PEX7: variants seen among roughly 807,000 people sequenced by gnomAD.
The protein encoded by PEX7 is peroxisomal biogenesis factor 7.
Under a neutral mutation model 47.5 loss-of-function variants are expected in PEX7, and 34 were observed. The ratio of observed to expected loss-of-function variants is 0.72; its 90% CI spans 0.54 to 0.95. The LOEUF (loss-of-function observed/expected upper bound fraction) is 0.95. Ranked by LOEUF, PEX7 falls within the 40% of genes least tolerant of loss-of-function variation. The pLI, the probability that PEX7 is intolerant of heterozygous loss-of-function variation, is 0.00. For missense variants in PEX7, 394 were observed against 400.3 expected (o/e 0.98, Z 0.13); for synonymous variants, 141 against 148.8 (o/e 0.95, Z 0.38).
chr6:136,894,747 A>G (rs1469458839), intron 8 of PEX7, among the ~76,000 whole-genome samples: 1 of 152,172 alleles, frequency 6.6e-6, no homozygotes, highest in African/African-American at 2.4e-5. Context: ...ATGTTCCTAG[A>G]GTTCTGTAAT....
intron 3 of PEX7, among the ~76,000 whole-genome samples, chr6:136,839,178 C>T (rs370638214): frequency 4.6e-5 from 7 of 152,096 alleles, no homozygotes; most frequent in East Asian, 3.9e-4. Context: ...GAGTGAGATC[C>T]TGTCTCAAAA....
chr6:136,852,316 C>T (rs1327574416), intron 5 of PEX7, among the ~76,000 whole-genome samples: 3 of 147,660 alleles, frequency 2.0e-5, no homozygotes, highest in Admixed American at 6.9e-5. Flanking sequence ...CCAGGGCAAT[C>T]AGGCAGGAGA....
In PEX7 at chr6:136,866,561, A is replaced by G. The variant is rs2115216419; in HGVS notation, c.527-66A>G. On this transcript the variant is annotated intron_variant, in intron 5 of 9. Transcript: ENST00000318471. ...TATTTTTACTTGACTTATTATTGTG[A>G]ACACATTATGTCACTGCACATTCAA... 3.0e-6 allele frequency: 4 copies of G among 1,315,094 alleles called. No individual in the cohort carries two copies. In the East Asian group the frequency reaches 9.3e-5, roughly 31 times the overall value. 81.5% of individuals were successfully genotyped at this position (1,315,094 alleles called of 1,614,324 possible).
chr6:136,899,646 C>G (rs1775718837), intron 9 of PEX7, among the ~76,000 whole-genome samples: 1 of 152,136 alleles, frequency 6.6e-6, no homozygotes, highest in African/African-American at 2.4e-5. Flanking sequence ...TCCCAAAGTG[C>G]TGGGATTACA....
Position 136,894,218 on chromosome 6 carries a change from G to C in PEX7, c.804-3924G>C, listed in dbSNP as rs188933121. ...TCATGCCTGTAATCCCAGCACTTTG[G>C]GAGGCCAAGGTGGGCAGATCACAAG... On this transcript the variant is annotated intron_variant, in intron 8 of 9. Coordinates refer to ENST00000318471, the MANE Select transcript of PEX7 (RefSeq NM_000288.4). Among the ~76,000 whole-genome samples, 684 of 152,196 alleles carry C rather than the reference G, an allele frequency of 4.5e-3. 7 individuals are homozygous for C. The highest frequency in any genetic ancestry group is 0.016 in the African/African-American group (657 of 41,554).
At chr6:136,850,475 A>G (rs924169820) in intron 5 of PEX7, among the ~76,000 whole-genome samples, 3 of 152,164 alleles carry the variant, frequency 2.0e-5, no homozygotes, top group African/African-American at 7.2e-5. Context: ...ACAATTTGGC[A>G]TGTTTTTGCA....
rs76937213 is a variant in PEX7 at position 136,875,230 on chromosome 6, T to C, written c.803+2977T>C. Among the ~76,000 whole-genome samples the C allele has an allele frequency of 3.3e-3, 509 of 152,140 alleles. 9 individuals carry two copies. In the South Asian group the frequency reaches 0.041, roughly 12 times the overall value. ...TTGGTACTTTCTTTTTGTTGTTCTTTTTTTCAGCTTCTTGAGATAGGAATT... is the reference window on the plus strand; with the variant it reads ...TTGGTACTTTCTTTTTGTTGTTCTTCTTTTCAGCTTCTTGAGATAGGAATT... On this transcript the variant is annotated intron_variant, in intron 8 of 9. Transcript: ENST00000318471.
At chr6:136,897,656 C>T (rs1338009792) in intron 8 of PEX7, among the ~76,000 whole-genome samples, 2 of 152,056 alleles carry the variant, frequency 1.3e-5, no homozygotes, top group Non-Finnish European at 1.5e-5. Context: ...TCAAAGAATT[C>T]TAATTGCTGT....
At chr6:136,884,350 ATT>A (rs1214444776) in intron 8 of PEX7, among the ~76,000 whole-genome samples, 1 of 152,208 alleles carries the variant, frequency 6.6e-6, no homozygotes, top group Non-Finnish European at 1.5e-5. Flanking sequence ...TCAGAAAACC[ATT>A]TTAACAAGAA....
intron 9 of PEX7, among the ~76,000 whole-genome samples, chr6:136,903,490 G>A (rs1190750362): frequency 2.6e-5 from 4 of 151,638 alleles, no homozygotes; most frequent in Admixed American, 6.6e-5. Context: ...ATAATCTTTA[G>A]TGAATGAATA....
At position 136,913,529 on chromosome 6, in the gene PEX7, T is replaced by C. The variant is rs1775966190; in HGVS notation, c.*3T>C. ...CTTGTCTTACTATTCCTGCTTGAGA[T>C]ACACTACTTTGGTCAGAAACAGAGG... On this transcript the variant is annotated 3_prime_UTR_variant, in exon 10 of 10. Transcript: ENST00000318471. 1 of 1,596,536 alleles carries C rather than the reference T, an allele frequency of 6.3e-7. No individual in the cohort carries two copies. The highest frequency in any genetic ancestry group is 2.2e-5 in the East Asian group (1 of 44,774).
intron 3 of PEX7, among the ~76,000 whole-genome samples, chr6:136,835,539 G>A (rs577256741): frequency 5.9e-5 from 9 of 152,018 alleles, no homozygotes; most frequent in South Asian, 2.1e-4. Context: ...CGCCTGACTC[G>A]TCCTCCCAAA....
Position 136,822,801 on chromosome 6 carries a change from G to A in PEX7, c.130+6G>A. 1 of 1,290,926 alleles carries A rather than the reference G, an allele frequency of 7.7e-7. No individual in the cohort carries two copies. Among genetic ancestry groups the A allele is most frequent in the Non-Finnish European group, 9.8e-7 (1 of 1,025,190 alleles). 80.0% of individuals were successfully genotyped at this position (1,290,926 alleles called of 1,614,324 possible). A position where few individuals can be genotyped will look rare whatever the true frequency, so the allele number is the denominator to read the frequency against. ...GCAGCACTACGGCATCGCGGGTGAG[G>A]CGGCGCCGCGCAGCTGGGGCCGGGG... On this transcript the variant is annotated splice_donor_region_variant and intron_variant, in intron 1 of 9. Transcript: ENST00000318471.
At chr6:136,835,979 C>G (rs1774378582) in intron 3 of PEX7, among the ~76,000 whole-genome samples, 1 of 152,146 alleles carries the variant, frequency 6.6e-6, no homozygotes, top group Admixed American at 6.5e-5. Flanking sequence ...GCTACTATAT[C>G]TGTAGTCTCT....
At chr6:136,910,232 A>C (rs1180139327) in intron 9 of PEX7, among the ~76,000 whole-genome samples, 1 of 152,222 alleles carries the variant, frequency 6.6e-6, no homozygotes, top group Non-Finnish European at 1.5e-5. Context: ...GTTATGTTCT[A>C]ATAAGACATG....
intron 8 of PEX7, among the ~76,000 whole-genome samples, chr6:136,890,364 G>C (rs1324837156): frequency 6.6e-6 from 1 of 152,192 alleles, no homozygotes; most frequent in African/African-American, 2.4e-5. Flanking sequence ...GAGCCCAAAG[G>C]CAGAAGCACG....
chr6:136,857,055 G>GTTC (rs1156903393), intron 5 of PEX7, among the ~76,000 whole-genome samples: 2 of 152,132 alleles, frequency 1.3e-5, no homozygotes, highest in Non-Finnish European at 2.9e-5. Flanking sequence ...AAGATTCAAA[G>GTTC]TTCTTCTTCC....
chr6:136,848,722 C>T (rs941639769), intron 5 of PEX7, among the ~76,000 whole-genome samples: 6 of 152,050 alleles, frequency 3.9e-5, no homozygotes, highest in Non-Finnish European at 5.9e-5. Context: ...GGTGGATAAG[C>T]TTTTTGATGT....
chr6:136,878,063 G>A (rs769292571), intron 8 of PEX7, among the ~76,000 whole-genome samples: 25 of 152,070 alleles, frequency 1.6e-4, no homozygotes, highest in African/African-American at 2.9e-4. Context: ...TCCCTTTGTA[G>A]CATTTGTGAA....
Sources: allele counts gnomAD v4.1 joint callset (sites outside exome capture counted in the v4.1 genomes callset), GRCh38; gene constraint gnomAD v4.1.1; transcripts MANE v1.5; gene names NCBI Gene and HGNC (gene_info 2026-07-23, HGNC 2026-07-21).